SHQ1: variants seen among roughly 807,000 people sequenced by gnomAD.
SHQ1 encodes protein SHQ1 homolog.
A neutral mutation model predicts 53.8 loss-of-function variants in SHQ1; 49 were observed. The ratio of observed to expected loss-of-function variants is 0.91; its 90% CI spans 0.72 to 1.16. SHQ1 has a LOEUF of 1.16. SHQ1 is among the 50% of genes most tolerant of loss of function. SHQ1 has a pLI of 0.00. For missense variants in SHQ1, 738 were observed against 683.1 expected, an observed-to-expected ratio of 1.08 and a Z score of -0.90; for synonymous variants, 243 against 251.0, an observed-to-expected ratio of 0.97 and a Z score of 0.30.
In SHQ1 at chr3:72,791,492, G is replaced by A. The variant is rs374937271; in HGVS notation, c.1181+1424C>T. Among the ~76,000 whole-genome samples the A allele has an allele frequency of 5.3e-5, 8 of 152,106 alleles. No homozygotes were observed. The South Asian group carries it at 1.7e-3, about 32-fold the overall frequency. On this transcript the variant is annotated intron_variant, in intron 10 of 10. Transcript: ENST00000325599. ...CTCAAGTTTTTTCATATTTCATTCT[G>A]CAATATAATTGCTCCCCCATGAAGA...
chr3:72,807,364 C>A (rs558757139), intron 9 of SHQ1, among the ~76,000 whole-genome samples: 1 of 152,278 alleles, frequency 6.6e-6, no homozygotes, highest in South Asian at 2.1e-4. Context: ...AGCTCAGCAG[C>A]CTCACATGGC....
intron 9 of SHQ1, among the ~76,000 whole-genome samples, chr3:72,803,302 T>C (rs976049515): frequency 3.3e-5 from 5 of 152,344 alleles, no homozygotes; most frequent in East Asian, 3.9e-4. Flanking sequence ...ACAGCAACAG[T>C]AGGCTACAGT....
intron 9 of SHQ1, among the ~76,000 whole-genome samples, chr3:72,801,388 C>G (rs535282997): frequency 3.3e-5 from 5 of 152,134 alleles, no homozygotes; most frequent in Admixed American, 1.3e-4. Context: ...TTTTTTCCAA[C>G]AGATACCACT....
chr3:72,792,231 C>A (rs1395988975), intron 10 of SHQ1, among the ~76,000 whole-genome samples: 4 of 152,210 alleles, frequency 2.6e-5, no homozygotes, highest in Middle Eastern at 3.2e-3. Context: ...TACACACACT[C>A]ACACTCTACT....
At chr3:72,843,045 C>G (rs1708224383) in intron 2 of SHQ1, among the ~76,000 whole-genome samples, 2 of 151,348 alleles carry the variant, frequency 1.3e-5, no homozygotes. Context: ...CCACTGCACT[C>G]CAGCCTGGGC....
intron 10 of SHQ1, chr3:72,773,167 TA>T (rs985919121): frequency 7.3e-5 from 54 of 740,436 alleles, no homozygotes; most frequent in Non-Finnish European, 1.2e-4. Flanking sequence ...GAAAAAGACA[TA>T]AAAAACCAGT....
At chr3:72,748,329 CAAAAAA>C (rs572927520), downstream of SHQ1, among the ~76,000 whole-genome samples, 143 of 58,708 alleles carry the variant, frequency 2.4e-3, no homozygotes, top group African/African-American at 8.6e-3. Context: ...ATGAGGCATG[CAAAAAA>C]AAAAAAAAAA....
chr3:72,848,310 C>T lies in SHQ1; in HGVS notation c.31G>A (p.Asp11Asn), dbSNP rs1708421361. The change falls in exon 1 of 11, where the codon GAT (aspartate) becomes AAT (asparagine). Residue 11 changes from aspartate to asparagine, a missense_variant. Coordinates refer to ENST00000325599, the MANE Select transcript of SHQ1 (RefSeq NM_018130.3). ...ATGGCGATAGTCAGGAAGTCCGGATCCTGGCTGAGGTCGAACGCCGGGGTC... is the reference window on the plus strand; with the variant it reads ...ATGGCGATAGTCAGGAAGTCCGGATTCTGGCTGAGGTCGAACGCCGGGGTC... MLTPAFDLSQ[D>N]PDFLTIAIRV... 6.2e-7 allele frequency: 1 copy of T among 1,614,020 alleles called. No homozygotes were observed. Among genetic ancestry groups the T allele is most frequent in the South Asian group, 1.1e-5 (1 of 91,086 alleles).
At chr3:72,772,612 C>T in intron 10 of SHQ1, 1 of 704,082 alleles carries the variant, frequency 1.4e-6, no homozygotes, top group Non-Finnish European at 2.7e-6. Flanking sequence ...TTTCTTAGGA[C>T]TTGCATATAT....
chr3:72,792,864 T>C, intron 10 of SHQ1, 52 bp downstream of exon 10: 1 of 1,544,750 alleles, frequency 6.5e-7, no homozygotes, highest in Non-Finnish European at 8.8e-7. Flanking sequence ...TAAATAGGTA[T>C]TTCAGCAATG....
At chr3:72,832,625 T>C (rs1707859201) in intron 4 of SHQ1, 144 bp from the exon 5 acceptor site, 1 of 608,532 alleles carries the variant, frequency 1.6e-6, no homozygotes. Flanking sequence ...TAGATTCAAA[T>C]CCAACAAATG....
the SHQ1 span, among the ~76,000 whole-genome samples, chr3:72,742,120 G>A: frequency 9.4e-4 from 143 of 151,502 alleles, no homozygotes; most frequent in East Asian, 0.015. Context: ...CTACTCGGGA[G>A]ACTGAGGTGG....
At chr3:72,779,571 G>A (rs1274237455) in intron 10 of SHQ1, among the ~76,000 whole-genome samples, 1 of 152,166 alleles carries the variant, frequency 6.6e-6, no homozygotes, top group Admixed American at 6.5e-5. Flanking sequence ...GTCAAGTTTT[G>A]TTTACCATTG....
chr3:72,812,323 T>G (rs988187636), intron 9 of SHQ1, among the ~76,000 whole-genome samples: 4 of 151,178 alleles, frequency 2.6e-5, no homozygotes, highest in Admixed American at 6.6e-5. Flanking sequence ...TTTTCTGCCT[T>G]CTTTATTATT....
intron 4 of SHQ1, among the ~76,000 whole-genome samples, chr3:72,833,483 TAGATAGATAGATAGATAGAC>T (rs1376974606): frequency 0.039 from 3,460 of 88,554 alleles, 84 homozygotes; most frequent in African/African-American, 0.088. Flanking sequence ...GATAGATAGA[TAGATAGATAGATAGATAGAC>T]AGACAGACAG....
At chr3:72,793,058 T>C (rs1173055781) in intron 9 of SHQ1, 22 bp from the exon 10 acceptor site, 2 of 1,584,014 alleles carry the variant, frequency 1.3e-6, no homozygotes, top group Non-Finnish European at 1.7e-6. Context: ...TGAAAAAACA[T>C]AAAATTATCC....
Position 72,812,726 on chromosome 3 carries a change from G to C in SHQ1, c.1005C>G (p.Arg335=), listed in dbSNP as rs768896058. ...AGGCCTTCATCACCAGCTTGAAATGGCGATAGAGTGGGTAACACAACACCC... is the reference window on the plus strand; with the variant it reads ...AGGCCTTCATCACCAGCTTGAAATGCCGATAGAGTGGGTAACACAACACCC... The part of the protein sequence containing the change: ...GRRVLCYPLY[R]HFKLVMKAYR... The change falls in exon 9 of 11, where the codon CGC becomes CGG. Residue 335 remains arginine (R), a synonymous_variant. Transcript: ENST00000325599. The C allele has an allele frequency of 8.1e-6, 13 of 1,613,930 alleles. No homozygotes were observed. Among genetic ancestry groups the C allele is most frequent in the Admixed American group, 6.7e-5 (4 of 59,994 alleles).
At chr3:72,733,434 G>GA in the SHQ1 span, among the ~76,000 whole-genome samples, 1,400 of 149,346 alleles carry the variant, frequency 9.4e-3, 55 homozygotes, top group African/African-American at 0.028. Flanking sequence ...ACAAAATAAT[G>GA]AAAAAAAACC....
chr3:72,780,869 T>G (rs1706056553), intron 10 of SHQ1, among the ~76,000 whole-genome samples: 1 of 152,190 alleles, frequency 6.6e-6, no homozygotes, highest in South Asian at 2.1e-4. Flanking sequence ...AGAGGTGTAT[T>G]CCATCACTTG....
Sources: gnomAD v4.1 joint callset for allele counts (sites outside exome capture counted in the v4.1 genomes callset) on GRCh38, gnomAD v4.1.1 for gene constraint, MANE v1.5 for transcripts, NCBI Gene and HGNC (gene_info 2026-07-23, HGNC 2026-07-21) for gene names.